Variants in WWOX observed in about 807,000 individuals in gnomAD.
WWOX encodes the protein WW domain containing oxidoreductase.
In WWOX, 69 loss-of-function variants were observed where a neutral mutation model predicts 46.2. The observed-to-expected ratio is 1.49, with a 90% CI of 1.23 to 1.82. The LOEUF is 1.82. Ranked by LOEUF, WWOX falls within the 40% of genes most tolerant of loss-of-function variation. WWOX has a pLI of 0.00. For synonymous variants in WWOX, 359 were observed against 202.6 expected, an observed-to-expected ratio of 1.77 and a Z score of -6.56; for missense variants, 919 against 542.6, an observed-to-expected ratio of 1.69 and a Z score of -6.89.
intron 5 of WWOX, among the ~76,000 whole-genome samples, chr16:78,384,241 T>G (rs72796081): frequency 0.054 from 8,164 of 152,174 alleles, 288 homozygotes; most frequent in East Asian, 0.12. Flanking sequence ...TTTCCTCTTG[T>G]GATACATTCA....
At chr16:78,402,502 A>G (rs1355505863) in intron 6 of WWOX, among the ~76,000 whole-genome samples, 1 of 152,030 alleles carries the variant, frequency 6.6e-6, no homozygotes, top group Non-Finnish European at 1.5e-5. Flanking sequence ...AACATGTTGG[A>G]AAGTAGGGTT....
intron 8 of WWOX, among the ~76,000 whole-genome samples, chr16:78,561,804 G>A (rs1057326847): frequency 2.0e-5 from 3 of 152,146 alleles, no homozygotes; most frequent in Admixed American, 1.3e-4. Flanking sequence ...AGAGAAGAAC[G>A]CAGGGTTCCT....
At chr16:78,824,998 T>C (rs1201387037) in intron 8 of WWOX, among the ~76,000 whole-genome samples, 1 of 152,176 alleles carries the variant, frequency 6.6e-6, no homozygotes, top group East Asian at 1.9e-4. Context: ...GTTATAGCCA[T>C]AAACAAAGTG....
chr16:78,835,694 G>C (rs1478425548), intron 8 of WWOX, among the ~76,000 whole-genome samples: 1 of 152,204 alleles, frequency 6.6e-6, no homozygotes. Context: ...AACTCACCCT[G>C]TGCTAATCTG....
At chr16:78,765,437 G>C (rs909050277) in intron 8 of WWOX, among the ~76,000 whole-genome samples, 4 of 152,194 alleles carry the variant, frequency 2.6e-5, no homozygotes, top group African/African-American at 9.6e-5. Context: ...CCAGCACTTT[G>C]GGAGGCTGAG....
chr16:78,459,376 T>C (rs2083899290), intron 8 of WWOX, among the ~76,000 whole-genome samples: 1 of 152,236 alleles, frequency 6.6e-6, no homozygotes, highest in African/African-American at 2.4e-5. Context: ...AGTAACTGGA[T>C]ATTTCCGAGT....
At chr16:78,752,376 C>T (rs1312764662) in intron 8 of WWOX, among the ~76,000 whole-genome samples, 1 of 152,198 alleles carries the variant, frequency 6.6e-6, no homozygotes, top group African/African-American at 2.4e-5. Flanking sequence ...CAACCTCTGC[C>T]TCCTGGGTTC....
At chr16:78,866,488 C>G (rs1013179931) in intron 8 of WWOX, among the ~76,000 whole-genome samples, 4 of 151,812 alleles carry the variant, frequency 2.6e-5, no homozygotes, top group African/African-American at 9.7e-5. Flanking sequence ...GTTCCTCTGT[C>G]CTTCAGGTTA....
At chr16:78,276,501 G>A (rs1006077462) in intron 5 of WWOX, among the ~76,000 whole-genome samples, 3 of 152,174 alleles carry the variant, frequency 2.0e-5, no homozygotes, top group South Asian at 2.1e-4. Flanking sequence ...TGAGCCCTGC[G>A]CGAGCCCCAC....
intron 8 of WWOX, among the ~76,000 whole-genome samples, chr16:78,515,265 G>C (rs2151491302): frequency 6.6e-6 from 1 of 152,200 alleles, no homozygotes; most frequent in South Asian, 2.1e-4. Context: ...CTATTCCATA[G>C]CTGACTATTT....
chr16:78,909,415 C>T (rs1004402018), intron 8 of WWOX, among the ~76,000 whole-genome samples: 1 of 152,154 alleles, frequency 6.6e-6, no homozygotes, highest in Non-Finnish European at 1.5e-5. Context: ...ACCATAAACC[C>T]CACAGAAACA....
intron 8 of WWOX, among the ~76,000 whole-genome samples, chr16:78,948,307 C>G (rs181049527): frequency 1.3e-5 from 2 of 152,168 alleles, no homozygotes; most frequent in African/African-American, 4.8e-5. Flanking sequence ...TGCTGTCTCA[C>G]CAAAGAACTT....
chr16:78,337,496 C>G (rs894624118), intron 5 of WWOX, among the ~76,000 whole-genome samples: 1 of 152,058 alleles, frequency 6.6e-6, no homozygotes, highest in Non-Finnish European at 1.5e-5. Context: ...ATTAACTAGT[C>G]TATAGTTTAC....
At chr16:78,105,635 G>GAAAGT (rs2032091961) in intron 1 of WWOX, among the ~76,000 whole-genome samples, 1 of 152,044 alleles carries the variant, frequency 6.6e-6, no homozygotes, top group African/African-American at 2.4e-5. Flanking sequence ...AGTTCCTTTG[G>GAAAGT]AAAGTATTCA....
chr16:78,731,806 G>C (rs1000622804), intron 8 of WWOX, among the ~76,000 whole-genome samples: 1 of 148,962 alleles, frequency 6.7e-6, no homozygotes, highest in Non-Finnish European at 1.5e-5. Flanking sequence ...AAAAACTAAA[G>C]TCTAATAGCA....
chr16:78,554,357 A>G (rs1345871658), intron 8 of WWOX, among the ~76,000 whole-genome samples: 1 of 152,184 alleles, frequency 6.6e-6, no homozygotes, highest in Non-Finnish European at 1.5e-5. Flanking sequence ...TACCGCTCAA[A>G]GCCATCACCA....
chr16:78,380,254 T>C (rs894969628), intron 5 of WWOX, among the ~76,000 whole-genome samples: 5 of 152,206 alleles, frequency 3.3e-5, no homozygotes, highest in South Asian at 2.1e-4. Context: ...GACAGGTACA[T>C]AGTGTGGACA....
intron 8 of WWOX, among the ~76,000 whole-genome samples, chr16:78,483,656 G>T (rs988673325): frequency 4.6e-5 from 7 of 151,974 alleles, no homozygotes; most frequent in African/African-American, 1.7e-4. Context: ...TATTTCATCT[G>T]TTTCACTTAG....
intron 8 of WWOX, among the ~76,000 whole-genome samples, chr16:78,699,818 T>G (rs1435244204): frequency 1.3e-5 from 2 of 152,216 alleles, no homozygotes; most frequent in Non-Finnish European, 2.9e-5. Context: ...GCATTCTTGT[T>G]AATTTATATC....
Sources: gnomAD v4.1 joint callset for allele counts (sites outside exome capture counted in the v4.1 genomes callset) on GRCh38, gnomAD v4.1.1 for gene constraint, MANE v1.5 for transcripts, NCBI Gene and HGNC (gene_info 2026-07-23, HGNC 2026-07-21) for gene names.